Variants in TCERG1 observed in about 807,000 individuals in gnomAD.
TCERG1 encodes the protein TATA box binding protein (TBP)-associated factor, RNA polymerase II, S, 150kD.
A neutral mutation model predicts 144.7 loss-of-function variants in TCERG1; 37 were observed. The ratio of observed to expected loss-of-function variants is 0.26; its 90% confidence interval spans 0.20 to 0.34. The LOEUF (loss-of-function observed/expected upper bound fraction) is 0.34, where lower values mean the gene tolerates loss of function less well. TCERG1 is among the 10% of genes least tolerant of loss of function. The pLI is 1.00. For missense variants in TCERG1, 1,027 were observed against 1,380.7 expected, an observed-to-expected ratio of 0.74 and a Z score of 4.06; for synonymous variants, 492 against 458.2, an observed-to-expected ratio of 1.07 and a Z score of -0.94.
chr5:146,471,417 C>T, intron 8 of TCERG1, 71 bp from the exon 9 acceptor site: 1 of 1,389,224 alleles, frequency 7.2e-7, no homozygotes, highest in Admixed American at 2.0e-5. Flanking sequence ...GAGCTGTTTG[C>T]CTTCATGTTT....
In TCERG1 at chr5:146,457,244, C is replaced by T; in HGVS notation, c.347C>T (p.Pro116Leu). The part of the protein sequence containing the change: ...SMPPPPGMMF[P>L]PGMPPVTAPG... ...CCTCCTCCTCCGGGTATGATGTTTC[C>T]ACCAGGAATGCCTCCTGTGACTGCT... The change falls in exon 3 of 23, where the codon CCA becomes CTA. Residue 116 changes from proline (P) to leucine (L), a missense_variant. Physicochemically the swap from Pro to Leu is moderately conservative, Grantham distance 98. Coordinates refer to ENST00000679501, the MANE Select transcript of TCERG1 (RefSeq NM_001382548.1). 6.2e-7 allele frequency: 1 copy of T among 1,614,142 alleles called. No individual in the cohort carries two copies. Among genetic ancestry groups the T allele is most frequent in the Non-Finnish European group, 8.5e-7 (1 of 1,179,974 alleles).
chr5:146,479,967 TC>T, intron 11 of TCERG1, 56 bp downstream of exon 11: 7 of 1,604,676 alleles, frequency 4.4e-6, no homozygotes, highest in Non-Finnish European at 6.0e-6. Context: ...AAGCAAGTGT[TC>T]TGGTAGTGAT....
At chr5:146,476,678 A>T (rs529342065) in intron 9 of TCERG1, among the ~76,000 whole-genome samples, 2 of 152,174 alleles carry the variant, frequency 1.3e-5, no homozygotes, top group South Asian at 2.1e-4. Flanking sequence ...CTAGTAACCA[A>T]CTCCAAACCC....
chr5:146,470,917 T>A (rs1764232392), intron 8 of TCERG1, among the ~76,000 whole-genome samples, 169 bp downstream of exon 8: 1 of 152,196 alleles, frequency 6.6e-6, no homozygotes, highest in Non-Finnish European at 1.5e-5. Context: ...GAAAGTGTCA[T>A]TAAATTACTT....
Position 146,457,106 on chromosome 5 carries a change from T to C in TCERG1, c.286-77T>C. On this transcript the variant is annotated intron_variant, in intron 2 of 22. Coordinates refer to ENST00000679501, the MANE Select transcript of TCERG1 (RefSeq NM_001382548.1). ...AAAACTAGTTTCTCTTACAGTGTTT[T>C]ACTTTTGAATAGAATTCAGTAATAA... is the stretch of plus-strand genomic sequence containing the variant. 4.5e-6 allele frequency: 7 copies of C among 1,549,350 alleles called. No individual in the cohort carries two copies. In the Admixed American group the frequency reaches 5.6e-5, roughly 12 times the overall value.
In TCERG1 at chr5:146,489,972, A is replaced by G. The variant is rs1006078335; in HGVS notation, c.2164-2948A>G. On this transcript the variant is annotated intron_variant, in intron 15 of 22. Coordinates refer to ENST00000679501, the MANE Select transcript of TCERG1 (RefSeq NM_001382548.1). Reference sequence around the variant, plus strand: ...TCCTAACCTTGGTCTGGGGTAGCCCAGCAGAGGGAATACGAAGTTCTTTCT... The same window carrying G: ...TCCTAACCTTGGTCTGGGGTAGCCCGGCAGAGGGAATACGAAGTTCTTTCT... Among the ~76,000 whole-genome samples, 6 of 152,316 alleles carry G rather than the reference A, an allele frequency of 3.9e-5. No homozygotes were observed. In the South Asian group the frequency reaches 1.2e-3, roughly 32 times the overall value.
intron 1 of TCERG1, among the ~76,000 whole-genome samples, chr5:146,454,037 C>CCAAA (rs1293178873): frequency 1.5e-5 from 2 of 129,838 alleles, no homozygotes; most frequent in Non-Finnish European, 3.2e-5. Context: ...TACTCAAATA[C>CCAAA]AAAAAAAAAA....
rs777333256 is a variant in TCERG1 at position 146,507,855 on chromosome 5, A to G, written c.2962-18A>G. The G allele has an allele frequency of 6.4e-7, 1 of 1,572,880 alleles. No homozygotes were observed. Among genetic ancestry groups the G allele is most frequent in the Non-Finnish European group, 8.7e-7 (1 of 1,147,660 alleles). On this transcript the variant is annotated intron_variant, in intron 20 of 22. Coordinates refer to ENST00000679501, the MANE Select transcript of TCERG1 (RefSeq NM_001382548.1). This position sits in a 1 kb window ranked among gnomAD's most constrained non-coding sequence, Gnocchi z 4.6. ...AAAGTGAGTTGTATTTATGTTTTTT[A>G]TTCATGTCTTTTCAAAGATTACCTT...
chr5:146,476,565 T>G (rs1389745740), intron 9 of TCERG1, among the ~76,000 whole-genome samples: 1 of 152,288 alleles, frequency 6.6e-6, no homozygotes, highest in South Asian at 2.1e-4. Context: ...AAAAAATAAT[T>G]ATGGAAAATA....
At chr5:146,489,000 T>C (rs1766134213) in intron 15 of TCERG1, among the ~76,000 whole-genome samples, 1 of 152,190 alleles carries the variant, frequency 6.6e-6, no homozygotes, top group Non-Finnish European at 1.5e-5. Context: ...AGAAAGTTGA[T>C]GTCATAGAAG....
chr5:146,459,897 TG>T (rs1371595081), intron 4 of TCERG1, among the ~76,000 whole-genome samples: 1 of 152,192 alleles, frequency 6.6e-6, no homozygotes, highest in Non-Finnish European at 1.5e-5. Flanking sequence ...ATGTAGTTTA[TG>T]GGTTTTTAGG....
At chr5:146,451,730 CCTGGTTAT>C (rs1762366938) in intron 1 of TCERG1, among the ~76,000 whole-genome samples, 1 of 147,660 alleles carries the variant, frequency 6.8e-6, no homozygotes, top group East Asian at 2.0e-4. Flanking sequence ...TGTTTACAGT[CCTGGTTAT>C]ACCAGGACTG....
chr5:146,503,516 C>A lies in TCERG1; in HGVS notation c.2575C>A (p.Gln859Lys). The A allele has an allele frequency of 6.2e-7, 1 of 1,613,450 alleles. No homozygotes were observed. Among genetic ancestry groups the A allele is most frequent in the African/African-American group, 1.3e-5 (1 of 75,008 alleles). The change falls in exon 18 of 23, where the codon CAG becomes AAG. Residue 859 changes from glutamine (Q) to lysine (K), a missense_variant. Physicochemically the swap from Gln to Lys is moderately conservative, Grantham distance 53 (BLOSUM62 1). Coordinates refer to ENST00000679501, the MANE Select transcript of TCERG1 (RefSeq NM_001382548.1). ...ATCAATGAGAGAAGACCTTTTCAAACAGTACATTGAAAAAATAGCCAAGGT... is the reference window on the plus strand; with the variant it reads ...ATCAATGAGAGAAGACCTTTTCAAAAAGTACATTGAAAAAATAGCCAAGGT... ...SSSMREDLFK[Q>K]YIEKIAKNLD...
chr5:146,500,319 A>C (rs567445579), intron 17 of TCERG1, among the ~76,000 whole-genome samples: 2 of 152,226 alleles, frequency 1.3e-5, no homozygotes, highest in East Asian at 3.9e-4. Context: ...CATTTTGAGC[A>C]CATTTGGTTA....
chr5:146,454,309 A>G (rs978765339), intron 1 of TCERG1, among the ~76,000 whole-genome samples: 2 of 152,116 alleles, frequency 1.3e-5, no homozygotes, highest in Non-Finnish European at 2.9e-5. Context: ...GGAATAGGTG[A>G]TGTCGTGTCT....
At chr5:146,473,651 A>T (rs537095988) in intron 9 of TCERG1, among the ~76,000 whole-genome samples, 2 of 152,264 alleles carry the variant, frequency 1.3e-5, no homozygotes, top group African/African-American at 4.8e-5. Flanking sequence ...CTCATTTACC[A>T]TTTTGAAAAT....
At chr5:146,475,643 C>T (rs887682979) in intron 9 of TCERG1, among the ~76,000 whole-genome samples, 4 of 152,144 alleles carry the variant, frequency 2.6e-5, no homozygotes, top group African/African-American at 9.7e-5. Context: ...TGTGAAAAAT[C>T]AGACCTTGGC....
intron 9 of TCERG1, among the ~76,000 whole-genome samples, chr5:146,473,419 G>T (rs1030926722): frequency 1.3e-5 from 2 of 152,226 alleles, no homozygotes; most frequent in Non-Finnish European, 1.5e-5. Context: ...GAAGCAGCAC[G>T]TGCTGATGTA....
chr5:146,479,596 C>G (rs760679284), intron 10 of TCERG1, among the ~76,000 whole-genome samples: 1 of 152,014 alleles, frequency 6.6e-6, no homozygotes, highest in Non-Finnish European at 1.5e-5. Context: ...TTAAAAGGTA[C>G]TGTAAATCCT....
Sources: allele counts gnomAD v4.1 joint callset (sites outside exome capture counted in the v4.1 genomes callset), GRCh38; gene constraint gnomAD v4.1.1; non-coding constraint Gnocchi (gnomAD v3.1); transcripts MANE v1.5; gene names NCBI Gene and HGNC (gene_info 2026-07-23, HGNC 2026-07-21).